Variants in RTF1 observed in about 807,000 individuals in gnomAD.
The protein encoded by RTF1 is RNA polymerase-associated protein RTF1 homolog.
In RTF1, 10 loss-of-function variants were observed where a neutral mutation model predicts 95.7. The observed-to-expected ratio is 0.10, with a 90% CI of 0.06 to 0.18. RTF1 has a LOEUF of 0.18. Among genes scored for constraint, RTF1 ranks in the 10% least tolerant of loss-of-function variants. The pLI, the probability that RTF1 is intolerant of heterozygous loss-of-function variation, is 1.00. For synonymous variants in RTF1, 305 were observed against 311.8 expected (o/e 0.98, Z 0.23); for missense variants, 458 against 875.6 (o/e 0.52, Z 6.02).
At chr15:41,452,642 G>T (rs557036847) in intron 2 of RTF1, among the ~76,000 whole-genome samples, 9 of 152,154 alleles carry the variant, frequency 5.9e-5, no homozygotes, top group African/African-American at 2.2e-4. Context: ...GCTAAAGTGG[G>T]AGGATGGCTT....
At chr15:41,457,274 G>A (rs772515796) in intron 3 of RTF1, among the ~76,000 whole-genome samples, 67 of 151,994 alleles carry the variant, frequency 4.4e-4, no homozygotes, top group Middle Eastern at 3.4e-3. Flanking sequence ...AGTGGCTCAC[G>A]CCTGTAATCC....
At chr15:41,452,665 C>T (rs2050794631) in intron 2 of RTF1, among the ~76,000 whole-genome samples, 1 of 152,040 alleles carries the variant, frequency 6.6e-6, no homozygotes, top group East Asian at 1.9e-4. Flanking sequence ...GCCTGGGAAT[C>T]AGAGGTTGCA....
chr15:41,480,565 CTCT>C lies in RTF1; in HGVS notation c.2027-11_2027-9del, dbSNP rs557916653. Reference sequence around the variant, plus strand: ...TTGTGGGACCTCAGCTGCCAACTTGCTCTTCTTTCCCACAGAGTCAAAGGCTTT... The same window carrying C: ...TTGTGGGACCTCAGCTGCCAACTTGCTCTTTCCCACAGAGTCAAAGGCTTT... On this transcript the variant is annotated splice_polypyrimidine_tract_variant and intron_variant, in intron 17 of 17. Transcript: ENST00000389629. The C allele has an allele frequency of 1.5e-3, 2,390 of 1,594,366 alleles. No homozygotes were observed. Among genetic ancestry groups the C allele is most frequent in the Admixed American group, 2.1e-3 (125 of 59,936 alleles).
intron 1 of RTF1, among the ~76,000 whole-genome samples, chr15:41,428,442 G>C (rs929352799): frequency 6.6e-6 from 1 of 150,736 alleles, no homozygotes; most frequent in East Asian, 2.0e-4. Context: ...TAATTTTTTT[G>C]TATTTTTAGT....
intron 15 of RTF1, 162 bp downstream of exon 15, chr15:41,478,787 A>G (rs2050955295): frequency 3.1e-6 from 2 of 649,704 alleles, no homozygotes; most frequent in East Asian, 2.7e-5. Context: ...ATCTTGCTAT[A>G]GGACATATCG....
rs1012464454 is a variant in RTF1 at position 41,450,928 on chromosome 15, G to A, written c.310-1973G>A. 7.2e-5 allele frequency among the ~76,000 whole-genome samples: 11 copies of A among 152,200 alleles called. No homozygotes were observed. In the East Asian group the frequency reaches 1.9e-3, roughly 27 times the overall value. The stretch of plus-strand genomic sequence containing the variant: ...ATCCTGCTGCCCTGCACTCCAGCCT[G>A]GGTGACAAACGAGACCCTGGCTCAA... On this transcript the variant is annotated intron_variant, in intron 2 of 17. Coordinates refer to ENST00000389629, the MANE Select transcript of RTF1 (RefSeq NM_015138.5).
rs2050716400 is a variant in RTF1, at chr15:41,438,493, GC to G, written c.309+63del. The G allele has an allele frequency of 4.7e-6, 5 of 1,062,450 alleles. No individual in the cohort carries two copies. The Admixed American group carries it at 7.3e-5, about 15-fold the overall frequency. The allele number at this position is 1,062,450 out of a possible 1,614,324, so 65.8% of individuals were successfully genotyped here. ...ATAGTTGAGGCTCCTCGCTTTGGTG[GC>G]TCCTGTTGGCCTCATTTCCTTAAAT... On this transcript the variant is annotated intron_variant, in intron 2 of 17. Coordinates refer to ENST00000389629, the MANE Select transcript of RTF1 (RefSeq NM_015138.5).
At chr15:41,456,282 T>C (rs531433240) in intron 3 of RTF1, among the ~76,000 whole-genome samples, 6 of 149,450 alleles carry the variant, frequency 4.0e-5, no homozygotes, top group Admixed American at 4.0e-4. Flanking sequence ...GTCAGGAGAT[T>C]GAGACCATCC....
intron 14 of RTF1, 53 bp downstream of exon 14, chr15:41,477,568 C>G: frequency 6.6e-7 from 1 of 1,512,340 alleles, no homozygotes; most frequent in Non-Finnish European, 9.2e-7. Context: ...TAAACCATGA[C>G]ATCTTTTCTA....
Position 41,422,389 on chromosome 15 carries a change from C to A in RTF1, c.198+5076C>A, listed in dbSNP as rs547901386. Reference sequence around the variant, plus strand: ...TGACTCTGTCCTTATTTTGACCACACCCTTTCTTCAACATTTTTAAATTTC... The same window carrying A: ...TGACTCTGTCCTTATTTTGACCACAACCTTTCTTCAACATTTTTAAATTTC... On this transcript the variant is annotated intron_variant, in intron 1 of 17. Transcript: ENST00000389629. Among the ~76,000 whole-genome samples the A allele has an allele frequency of 7.9e-5, 12 of 152,298 alleles. No individual in the cohort carries two copies. The East Asian group carries it at 2.3e-3, about 29-fold the overall frequency.
At chr15:41,470,132 C>T (rs2050902523) in intron 6 of RTF1, 125 bp from the exon 7 acceptor site, 1 of 995,738 alleles carries the variant, frequency 1.0e-6, no homozygotes, top group East Asian at 2.4e-5. Flanking sequence ...CCCAAGTTAG[C>T]ACAATCCAGT....
At chr15:41,457,960 C>T (rs61546889) in intron 4 of RTF1, 84 bp downstream of exon 4, 1 of 1,039,018 alleles carries the variant, frequency 9.6e-7, no homozygotes, top group African/African-American at 1.6e-5. Context: ...TCCTTCACAC[C>T]TGACCTACAC....
chr15:41,431,095 G>C (rs1465770526), intron 1 of RTF1, among the ~76,000 whole-genome samples: 1 of 146,798 alleles, frequency 6.8e-6, no homozygotes, highest in Non-Finnish European at 1.5e-5. Flanking sequence ...TAGTAGAGAC[G>C]GGGTTTCATC....
rs1438188788 is a variant in RTF1, at chr15:41,453,006, T to G, written c.415T>G (p.Ser139Ala). The change falls in exon 3 of 18, where the codon TCA (serine) becomes GCA (alanine). Residue 139 changes from serine to alanine, a missense_variant. Transcript: ENST00000389629. ...QANKTASSGSSDKDSSAESSA... is the reference protein window; with the variant it reads ...QANKTASSGSADKDSSAESSA... Reference sequence around the variant, plus strand: ...CAACAAAACTGCCTCCTCAGGCAGTTCAGACAAAGACAGTTCAGCTGAGAG... The same window carrying G: ...CAACAAAACTGCCTCCTCAGGCAGTGCAGACAAAGACAGTTCAGCTGAGAG... 6.2e-7 allele frequency: 1 copy of G among 1,611,918 alleles called. No individual in the cohort carries two copies. Among genetic ancestry groups the G allele is most frequent in the South Asian group, 1.1e-5 (1 of 90,626 alleles).
Position 41,428,257 on chromosome 15 carries a change from C to CTTT in RTF1, c.199-10038_199-10036dup, listed in dbSNP as rs535870983. On this transcript the variant is annotated intron_variant, in intron 1 of 17. Transcript: ENST00000389629. ...CCCCTCTACTGCAATACTGATATCC[C>CTTT]TTTTTTTTTTTTTTTTTTTTTTTTT... Among the ~76,000 whole-genome samples, 78 of 95,956 alleles carry CTTT rather than the reference C, an allele frequency of 8.1e-4. 11 individuals carry two copies. The highest frequency in any genetic ancestry group is 2.6e-3 in the African/African-American group (53 of 20,132). 63.0% of individuals were successfully genotyped at this position (95,956 alleles called of 152,430 possible).
chr15:41,450,692 G>A (rs1292422563), intron 2 of RTF1, among the ~76,000 whole-genome samples: 1 of 152,132 alleles, frequency 6.6e-6, no homozygotes, highest in African/African-American at 2.4e-5. Context: ...GCTTGTGCCT[G>A]TAATCCCAGC....
intron 2 of RTF1, among the ~76,000 whole-genome samples, chr15:41,443,768 G>A (rs1188408584): frequency 1.3e-5 from 2 of 151,920 alleles, no homozygotes; most frequent in Non-Finnish European, 2.9e-5. Context: ...AGCTAGAGGT[G>A]CAATAATAGA....
intron 1 of RTF1, among the ~76,000 whole-genome samples, chr15:41,428,257 CTTTTTTTTTTTTTTT>C (rs535870983): frequency 7.3e-5 from 7 of 95,954 alleles, no homozygotes; most frequent in African/African-American, 1.5e-4. Context: ...ACTGATATCC[CTTTTTTTTTTTTTTT>C]TTTTTTTTTT....
intron 7 of RTF1, 118 bp downstream of exon 7, chr15:41,470,510 G>A (rs1200372470): frequency 1.8e-6 from 2 of 1,101,594 alleles, no homozygotes; most frequent in African/African-American, 1.6e-5. Flanking sequence ...GTTACCTTTG[G>A]TTTGCTGAAC....
Sources: allele counts gnomAD v4.1 joint callset (sites outside exome capture counted in the v4.1 genomes callset), GRCh38; gene constraint gnomAD v4.1.1; transcripts MANE v1.5; gene names NCBI Gene and HGNC (gene_info 2026-07-23, HGNC 2026-07-21).